The following AUTS2 variants were observed in gnomAD, a reference collection of about 807,000 sequenced individuals.
The protein encoded by AUTS2 is activator of transcription and developmental regulator AUTS2.
Under a neutral mutation model 112.4 loss-of-function variants are expected in AUTS2, and 17 were observed. The ratio of observed to expected loss-of-function variants is 0.15; its 90% CI spans 0.10 to 0.23. AUTS2 has a LOEUF of 0.23. Ranked by LOEUF, AUTS2 falls within the 10% of genes least tolerant of loss-of-function variation. AUTS2 has a pLI of 1.00. For synonymous variants in AUTS2, 751 were observed against 702.7 expected, an observed-to-expected ratio of 1.07 and a Z score of -1.09; for missense variants, 1,510 against 1,701.6, an observed-to-expected ratio of 0.89 and a Z score of 1.98.
chr7:70,495,742 G>T (rs13306918), intron 5 of AUTS2, among the ~76,000 whole-genome samples: 3 of 68,244 alleles, frequency 4.4e-5, no homozygotes, highest in Admixed American at 3.4e-4. Context: ...CATCAGCATC[G>T]ATCACACACC....
intron 5 of AUTS2, among the ~76,000 whole-genome samples, chr7:70,611,556 T>C (rs1804093666): frequency 6.6e-6 from 1 of 152,230 alleles, no homozygotes; most frequent in Admixed American, 6.5e-5. Flanking sequence ...AGGTTGCCTG[T>C]CACTTGCAGT....
chr7:70,691,769 C>T (rs928753508), intron 5 of AUTS2, among the ~76,000 whole-genome samples: 11 of 151,952 alleles, frequency 7.2e-5, no homozygotes, highest in Admixed American at 6.6e-4. Flanking sequence ...TGGCTTTTGG[C>T]GTTCCCAGGT....
intron 5 of AUTS2, among the ~76,000 whole-genome samples, chr7:70,633,629 A>AAT (rs57166645): frequency 2.7e-5 from 4 of 147,330 alleles, no homozygotes; most frequent in African/African-American, 9.9e-5. Context: ...AAAAAAAAAA[A>AAT]GGACAGAACA....
intron 4 of AUTS2, among the ~76,000 whole-genome samples, chr7:70,270,367 T>C (rs568483412): frequency 1.3e-5 from 2 of 152,126 alleles, no homozygotes; most frequent in South Asian, 2.1e-4. Context: ...ATGAGGAGGA[T>C]TGAGAAGAGC....
intron 1 of AUTS2, among the ~76,000 whole-genome samples, chr7:69,898,653 A>C (rs1434189547): frequency 6.6e-6 from 1 of 152,072 alleles, no homozygotes; most frequent in Non-Finnish European, 1.5e-5. Flanking sequence ...ACCTCCCCTC[A>C]TCCCCAACCA....
At chr7:69,806,552 G>A (rs769168029) in intron 1 of AUTS2, among the ~76,000 whole-genome samples, 35 of 151,914 alleles carry the variant, frequency 2.3e-4, no homozygotes, top group Non-Finnish European at 3.7e-4. Flanking sequence ...CTGTAGCCTC[G>A]ATTTCCCAGG....
At chr7:70,632,926 A>G (rs1437077834) in intron 5 of AUTS2, among the ~76,000 whole-genome samples, 1 of 152,016 alleles carries the variant, frequency 6.6e-6, no homozygotes, top group African/African-American at 2.4e-5. Flanking sequence ...CAGGCCACAC[A>G]TTGGTTCCTC....
intron 2 of AUTS2, among the ~76,000 whole-genome samples, chr7:70,094,828 T>C (rs1212406624): frequency 6.6e-6 from 1 of 152,180 alleles, no homozygotes; most frequent in African/African-American, 2.4e-5. Context: ...AGGAGTTCTT[T>C]AGTGAAACAA....
chr7:69,625,621 G>C (rs1793907947), intron 1 of AUTS2, among the ~76,000 whole-genome samples: 1 of 152,166 alleles, frequency 6.6e-6, no homozygotes, highest in Non-Finnish European at 1.5e-5. Flanking sequence ...TACTTTGGGA[G>C]GCTGAGGCTG....
At chr7:70,265,902 T>C (rs1005349584) in intron 4 of AUTS2, among the ~76,000 whole-genome samples, 2 of 152,172 alleles carry the variant, frequency 1.3e-5, no homozygotes, top group Middle Eastern at 3.2e-3. Flanking sequence ...AATAAATCAG[T>C]TTATTTCTCA....
In AUTS2 at chr7:70,444,373, T is replaced by TGTGTGTGTGTGTGTGTGTGTGAGAGAGA. The variant is rs372696006; in HGVS notation, c.690+8593_690+8594insTGTGTGTGTGTGTGTGTGTGAGAGAGAG. ...GTGTGTGTGTGTGTGTGTGTGTGTG[T>TGTGTGTGTGTGTGTGTGTGTGAGAGAGA]GAGAGAGAGAGAGAGAGAGAAAGAG... On this transcript the variant is annotated intron_variant, in intron 5 of 18. Transcript: ENST00000342771. Among the ~76,000 whole-genome samples, 876 of 142,200 alleles carry TGTGTGTGTGTGTGTGTGTGTGAGAGAGA rather than the reference T, an allele frequency of 6.2e-3. 4 individuals are homozygous for TGTGTGTGTGTGTGTGTGTGTGAGAGAGA. Among genetic ancestry groups the TGTGTGTGTGTGTGTGTGTGTGAGAGAGA allele is most frequent in the Non-Finnish European group, 9.8e-3 (644 of 65,422 alleles). 93.3% of individuals were successfully genotyped at this position (142,200 alleles called of 152,430 possible).
chr7:69,722,964 G>A (rs183218355), intron 1 of AUTS2, among the ~76,000 whole-genome samples: 1 of 151,884 alleles, frequency 6.6e-6, no homozygotes, highest in East Asian at 1.9e-4. Flanking sequence ...GCTTTTTGCT[G>A]CTTGTTTTCT....
chr7:69,804,006 TGG>T (rs1790194940), intron 1 of AUTS2, among the ~76,000 whole-genome samples: 1 of 152,226 alleles, frequency 6.6e-6, no homozygotes, highest in Non-Finnish European at 1.5e-5. Context: ...CACTCTAGCC[TGG>T]GTGACAGAGT....
intron 4 of AUTS2, among the ~76,000 whole-genome samples, chr7:70,179,783 T>C (rs939695562): frequency 1.3e-5 from 2 of 152,192 alleles, no homozygotes; most frequent in African/African-American, 4.8e-5. Context: ...TGGTATAACC[T>C]TCATTGCAAA....
intron 2 of AUTS2, among the ~76,000 whole-genome samples, chr7:69,941,171 A>G (rs550215474): frequency 6.6e-6 from 1 of 152,288 alleles, no homozygotes; most frequent in South Asian, 2.1e-4. Flanking sequence ...ATGTGGTACC[A>G]TTGATAAGCC....
At chr7:70,141,294 G>A (rs969485149) in intron 4 of AUTS2, among the ~76,000 whole-genome samples, 1 of 152,190 alleles carries the variant, frequency 6.6e-6, no homozygotes, top group Non-Finnish European at 1.5e-5. Context: ...AGTCGGGTGA[G>A]TGGGGAAGAG....
At chr7:70,159,500 C>T (rs1313163254) in intron 4 of AUTS2, among the ~76,000 whole-genome samples, 1 of 152,098 alleles carries the variant, frequency 6.6e-6, no homozygotes, top group African/African-American at 2.4e-5. Flanking sequence ...ATATTTAATT[C>T]AGGGAGTCAT....
At chr7:69,861,295 T>C (rs1431454210) in intron 1 of AUTS2, among the ~76,000 whole-genome samples, 2 of 152,166 alleles carry the variant, frequency 1.3e-5, no homozygotes, top group Non-Finnish European at 1.5e-5. Context: ...GGGATTAACA[T>C]AGAATTATAG....
chr7:70,406,904 T>C (rs2130329139), intron 4 of AUTS2, among the ~76,000 whole-genome samples: 1 of 152,302 alleles, frequency 6.6e-6, no homozygotes, highest in Admixed American at 6.5e-5. Context: ...TAACCATGCA[T>C]CACCTCCAAT....
Sources: gnomAD v4.1 joint callset for allele counts (sites outside exome capture counted in the v4.1 genomes callset) on GRCh38, gnomAD v4.1.1 for gene constraint, MANE v1.5 for transcripts, NCBI Gene and HGNC (gene_info 2026-07-23, HGNC 2026-07-21) for gene names.